LYRM7: variants seen among roughly 807,000 people sequenced by gnomAD.
LYRM7 encodes complex III assembly factor LYRM7.
In LYRM7, 9 loss-of-function variants were observed where a neutral mutation model predicts 15.8. That is an observed-to-expected ratio of 0.57 (90% CI 0.34 to 0.99). The LOEUF (loss-of-function observed/expected upper bound fraction) is 0.99. Among genes scored for constraint, LYRM7 ranks in the 50% least tolerant of loss-of-function variants. The probability of loss-of-function intolerance (pLI) is 0.02; values close to 1 mark genes in which losing one functional copy is unlikely to be tolerated. For missense variants in LYRM7, 115 were observed against 119.1 expected, an observed-to-expected ratio of 0.97 and a Z score of 0.16; for synonymous variants, 39 against 39.4, an observed-to-expected ratio of 0.99 and a Z score of 0.04.
At chr5:131,183,145 C>T (rs975504010) in intron 3 of LYRM7, among the ~76,000 whole-genome samples, 17 of 151,746 alleles carry the variant, frequency 1.1e-4, no homozygotes, top group Admixed American at 1.1e-3. Flanking sequence ...ATAAAAAATG[C>T]ATTTATATTT....
intron 4 of LYRM7, among the ~76,000 whole-genome samples, chr5:131,196,683 T>C (rs2149666099): frequency 6.6e-6 from 1 of 151,746 alleles, no homozygotes; most frequent in East Asian, 1.9e-4. Flanking sequence ...TTTTTTTTTT[T>C]CCGAGATGGA....
chr5:131,187,863 C>T (rs569851422), intron 4 of LYRM7, among the ~76,000 whole-genome samples: 9 of 152,138 alleles, frequency 5.9e-5, no homozygotes, highest in Admixed American at 4.6e-4. Context: ...CATCATATCT[C>T]GAGACTCCAG....
intron 1 of LYRM7, among the ~76,000 whole-genome samples, chr5:131,177,032 A>G (rs1241528262): frequency 6.6e-6 from 1 of 152,136 alleles, no homozygotes; most frequent in Non-Finnish European, 1.5e-5. Flanking sequence ...AAAATTACCC[A>G]CAGCTGAGCC....
chr5:131,192,909 G>A (rs1755907817), intron 4 of LYRM7, among the ~76,000 whole-genome samples: 1 of 151,984 alleles, frequency 6.6e-6, no homozygotes, highest in African/African-American at 2.4e-5. Context: ...TAGTCGCCTG[G>A]TTTCAGTGTT....
chr5:131,188,192 G>A (rs1285889312), intron 4 of LYRM7, among the ~76,000 whole-genome samples: 1 of 152,124 alleles, frequency 6.6e-6, no homozygotes, highest in Non-Finnish European at 1.5e-5. Flanking sequence ...AGGAGGTTGA[G>A]GCCTTAATGA....
At chr5:131,181,465 G>GT (rs1554089970) in intron 2 of LYRM7, among the ~76,000 whole-genome samples, 3 of 123,464 alleles carry the variant, frequency 2.4e-5, no homozygotes, top group Non-Finnish European at 4.9e-5. Context: ...ACATATATAT[G>GT]TATATATATA....
In LYRM7 at chr5:131,188,475, A is replaced by T. The variant is rs1755833095; in HGVS notation, c.244+1366A>T. Among the ~76,000 whole-genome samples the T allele has an allele frequency of 2.0e-5, 3 of 150,602 alleles. No homozygotes were observed. The South Asian group carries it at 6.3e-4, about 31-fold the overall frequency. On this transcript the variant is annotated intron_variant, in intron 4 of 4. Coordinates refer to ENST00000379380, the MANE Select transcript of LYRM7 (RefSeq NM_181705.4). ...TGTGGTGGTATCACATTGTGATTTT[A>T]ATTTATATTTCTCTGGTAACTAATG...
At chr5:131,193,664 A>C (rs1233255136) in intron 4 of LYRM7, among the ~76,000 whole-genome samples, 2 of 152,192 alleles carry the variant, frequency 1.3e-5, no homozygotes, top group Non-Finnish European at 2.9e-5. Context: ...TAAAATCTTT[A>C]CCTAAATTTG....
At chr5:131,171,352 G>A (rs574063340) in intron 1 of LYRM7, among the ~76,000 whole-genome samples, 11 of 152,224 alleles carry the variant, frequency 7.2e-5, no homozygotes, top group African/African-American at 2.6e-4. Flanking sequence ...TTTGTCTGAG[G>A]GACCCATTTC....
chr5:131,202,902 A>G lies in LYRM7; in HGVS notation c.*3301A>G, dbSNP rs1019545943. The G allele has an allele frequency of 2.0e-5, 3 of 152,358 alleles. No individual in the cohort carries two copies. The highest frequency in any genetic ancestry group is 6.5e-5 in the Admixed American group (1 of 15,284). The allele number at this position is 152,358 out of a possible 1,614,324, so 9.4% of individuals were successfully genotyped here. On this transcript the variant is annotated 3_prime_UTR_variant, in exon 5 of 5. Transcript: ENST00000379380. ...CAGGAGAGTCAGATTTGAGAAGCAT[A>G]TGTAGATTCGAAGCTGGGGGAATAT... is the stretch of plus-strand genomic sequence containing the variant.
At position 131,201,580 on chromosome 5, in the gene LYRM7, G is replaced by T. The variant is rs969452497; in HGVS notation, c.*1979G>T. 6.6e-6 allele frequency: 1 copy of T among 151,778 alleles called. No individual in the cohort carries two copies. Among genetic ancestry groups the T allele is most frequent in the African/African-American group, 2.4e-5 (1 of 41,298 alleles). 9.4% of individuals were successfully genotyped at this position (151,778 alleles called of 1,614,324 possible). ...AAAAAAAATACAGAATTAGCCAGGT[G>T]TGGTGGCACATGTCTGTAATCCCAG... On this transcript the variant is annotated 3_prime_UTR_variant, in exon 5 of 5. Transcript: ENST00000379380.
chr5:131,190,455 A>T (rs1024187674), intron 4 of LYRM7, among the ~76,000 whole-genome samples: 4 of 149,664 alleles, frequency 2.7e-5, no homozygotes, highest in Non-Finnish European at 3.0e-5. Flanking sequence ...TGGCCTCCCA[A>T]AGTGCTGGGA....
At chr5:131,181,275 GAAAAAAAA>G (rs1195878324) in intron 2 of LYRM7, among the ~76,000 whole-genome samples, 2 of 8,340 alleles carry the variant, frequency 2.4e-4, no homozygotes, top group Non-Finnish European at 2.8e-4. Flanking sequence ...GACTCCATCT[GAAAAAAAA>G]AAAAAAAAAA....
chr5:131,172,211 C>T (rs1218303389), intron 1 of LYRM7, among the ~76,000 whole-genome samples: 2 of 152,142 alleles, frequency 1.3e-5, no homozygotes, highest in Admixed American at 1.3e-4. Flanking sequence ...GTCGAGAGTT[C>T]GAGACCAGCC....
chr5:131,187,007 T>G, intron 3 of LYRM7, 21 bp from the exon 4 acceptor site: 1 of 1,358,024 alleles, frequency 7.4e-7, no homozygotes, highest in Non-Finnish European at 1.0e-6. Context: ...ACTTACTCTA[T>G]TTGTTTGGTT....
At position 131,171,027 on chromosome 5, in the gene LYRM7, C is replaced by A; in HGVS notation, c.7C>A (p.Arg3=). 6.5e-7 allele frequency: 1 copy of A among 1,536,826 alleles called. No individual in the cohort carries two copies. The highest frequency in any genetic ancestry group is 8.7e-7 in the Non-Finnish European group (1 of 1,150,752). Residue 3 remains arginine (R), a synonymous_variant, in exon 1 of 5, where the codon CGG becomes AGG. Coordinates refer to ENST00000379380, the MANE Select transcript of LYRM7 (RefSeq NM_181705.4). MG[R]AVKVLQLFKT... is the part of the protein sequence containing the mutation. ...GGCCGCGGTGAGGAGAGCCATGGGA[C>A]GGGCAGTCAAGGTGACAGGGCCCGG...
rs1016608690 is a variant in LYRM7, at chr5:131,202,961, A to G, written c.*3360A>G. 6.6e-6 allele frequency: 1 copy of G among 152,384 alleles called. No individual in the cohort carries two copies. Among genetic ancestry groups the G allele is most frequent in the African/African-American group, 2.4e-5 (1 of 41,458 alleles). The allele number at this position is 152,384 out of a possible 1,614,324, so 9.4% of individuals were successfully genotyped here. A position where few individuals can be genotyped will look rare whatever the true frequency, so the allele number is the denominator to read the frequency against. ...GTTTGTACAACATCTAATTCAGAAC[A>G]TTAAAATTAAGATTTTAGTCAAACT... is the stretch of plus-strand genomic sequence containing the variant. On this transcript the variant is annotated 3_prime_UTR_variant, in exon 5 of 5. Transcript: ENST00000379380.
intron 4 of LYRM7, among the ~76,000 whole-genome samples, chr5:131,195,654 T>C (rs1755952265): frequency 6.6e-6 from 1 of 152,214 alleles, no homozygotes; most frequent in South Asian, 2.1e-4. Flanking sequence ...GGGCAGAACG[T>C]AGAGGCTGCT....
At chr5:131,194,735 T>C (rs1307156160) in intron 4 of LYRM7, among the ~76,000 whole-genome samples, 1 of 152,130 alleles carries the variant, frequency 6.6e-6, no homozygotes, top group Non-Finnish European at 1.5e-5. Context: ...TGGCAGCATT[T>C]TTTTCTGGCA....
Sources: gnomAD v4.1 joint callset for allele counts (sites outside exome capture counted in the v4.1 genomes callset) on GRCh38, gnomAD v4.1.1 for gene constraint, MANE v1.5 for transcripts, NCBI Gene and HGNC (gene_info 2026-07-23, HGNC 2026-07-21) for gene names.